Variants in KLHL22 observed in about 807,000 individuals in gnomAD.
KLHL22 encodes the protein kelch-like protein 22.
In KLHL22, 18 loss-of-function variants were observed where a neutral mutation model predicts 60.7. The ratio of observed to expected loss-of-function variants is 0.30; its 90% CI spans 0.20 to 0.44. KLHL22 has a LOEUF of 0.44. Among genes scored for constraint, KLHL22 ranks in the 20% least tolerant of loss-of-function variants. The pLI is 1.00. For missense variants in KLHL22, 596 were observed against 852.3 expected (o/e 0.70, Z 3.74); for synonymous variants, 355 against 354.5 (o/e 1.00, Z -0.01).
chr22:20,453,932 A>T (rs1258238287), intron 5 of KLHL22, among the ~76,000 whole-genome samples: 1 of 151,920 alleles, frequency 6.6e-6, no homozygotes, highest in African/African-American at 2.4e-5. Flanking sequence ...ATGGGGTTTC[A>T]CCATGTTGGC....
Position 20,465,366 on chromosome 22 carries a change from T to C in KLHL22, c.604A>G (p.Ser202Gly). Residue 202 changes from serine (S) to glycine (G), a missense_variant, in exon 4 of 7, where the codon AGC becomes GGC. By Grantham distance (56) the Ser-to-Gly change is moderately conservative. Transcript: ENST00000328879. This position sits in a 1 kb window ranked among gnomAD's most constrained non-coding sequence, Gnocchi z 4.9. ...TCGCAGGAGACCTCCAGGCGATTGC[T>C]GCTGAGGAGGGAGTAGACCTTCTCC... ...PLEKVYSLLS[S>G]NRLEVSCETE... 6.2e-7 allele frequency: 1 copy of C among 1,614,148 alleles called. No individual in the cohort carries two copies. The highest frequency in any genetic ancestry group is 8.5e-7 in the Non-Finnish European group (1 of 1,180,000).
At chr22:20,478,275 G>A (rs563173902) in intron 2 of KLHL22, among the ~76,000 whole-genome samples, 3 of 149,364 alleles carry the variant, frequency 2.0e-5, no homozygotes, top group East Asian at 3.9e-4. Context: ...GCGCAATCTC[G>A]GCTCACCACA....
chr22:20,470,867 C>CATGG (rs573307391), intron 3 of KLHL22, among the ~76,000 whole-genome samples: 1,567 of 143,036 alleles, frequency 0.011, 14 homozygotes, highest in Middle Eastern at 0.058. Context: ...TGCGTGCATG[C>CATGG]ATGGATGGAT....
chr22:20,463,762 A>C (rs1157229376), intron 4 of KLHL22, among the ~76,000 whole-genome samples: 1 of 152,178 alleles, frequency 6.6e-6, no homozygotes, highest in Non-Finnish European at 1.5e-5. Context: ...ACAATGTGTT[A>C]TTGCCAACCT....
intron 3 of KLHL22, among the ~76,000 whole-genome samples, chr22:20,470,130 G>A (rs970481671): frequency 6.6e-6 from 1 of 151,810 alleles, no homozygotes; most frequent in Non-Finnish European, 1.5e-5. Context: ...CCTGAGGCCA[G>A]GAGCTTGAGA....
intron 2 of KLHL22, chr22:20,482,813 G>T: frequency 1.6e-6 from 2 of 1,232,922 alleles, no homozygotes; most frequent in Non-Finnish European, 1.2e-6. Flanking sequence ...GCTTCTGGTG[G>T]CTTAATGTCT....
rs574237028 is a variant in KLHL22, at chr22:20,444,122, C to A, written c.1540-1684G>T. ...GAGCTGAGAAGTGAGGAGGACTCAACCTGCCATTGCTGGCTTTGAAGACGA... is the reference window on the plus strand; with the variant it reads ...GAGCTGAGAAGTGAGGAGGACTCAAACTGCCATTGCTGGCTTTGAAGACGA... On this transcript the variant is annotated intron_variant, in intron 6 of 6. Transcript: ENST00000328879. Among the ~76,000 whole-genome samples, 7 of 151,380 alleles carry A rather than the reference C, an allele frequency of 4.6e-5. No homozygotes were observed. The South Asian group carries it at 1.5e-3, about 32-fold the overall frequency.
chr22:20,493,649 G>A (rs911374535), intron 1 of KLHL22, among the ~76,000 whole-genome samples: 1 of 152,108 alleles, frequency 6.6e-6, no homozygotes, highest in Non-Finnish European at 1.5e-5. Context: ...GGGCATGGTG[G>A]TAGGTGCCTA....
intron 4 of KLHL22, among the ~76,000 whole-genome samples, chr22:20,458,456 T>C (rs536490296): frequency 6.9e-6 from 1 of 145,764 alleles, no homozygotes; most frequent in Admixed American, 6.8e-5. Context: ...TTTTTTTTTT[T>C]TTTTTTTTTT....
chr22:20,484,466 T>C (rs939552820), intron 2 of KLHL22, among the ~76,000 whole-genome samples: 2 of 152,112 alleles, frequency 1.3e-5, no homozygotes, highest in Admixed American at 6.6e-5. Flanking sequence ...AGCTAATTTT[T>C]GTATTTTTAG....
intron 5 of KLHL22, among the ~76,000 whole-genome samples, chr22:20,454,953 C>T (rs936459440): frequency 6.6e-6 from 1 of 152,164 alleles, no homozygotes; most frequent in African/African-American, 2.4e-5. Context: ...GTGATCTCAG[C>T]TCACTACAAC....
chr22:20,458,034 C>G (rs1300781777), intron 4 of KLHL22, 34 bp from the exon 5 acceptor site: 5 of 1,609,474 alleles, frequency 3.1e-6, no homozygotes, highest in Non-Finnish European at 4.2e-6. Flanking sequence ...ACAGCACTGA[C>G]TAGGCAGGGA....
Position 20,483,635 on chromosome 22 carries a change from G to A in KLHL22, c.227+5350C>T, listed in dbSNP as rs60359970. 787 of 725,594 alleles carry A rather than the reference G, an allele frequency of 1.1e-3. 2 individuals carry two copies. In the African/African-American group the frequency reaches 0.012, roughly 11 times the overall value. The allele number at this position is 725,594 out of a possible 1,614,324, so 44.9% of individuals were successfully genotyped here. The stretch of plus-strand genomic sequence containing the variant: ...ACTCTAAAGTCATCAGCAGCAAGAC[G>A]GGCATTGTCGATCTACAGAAAGATA... On this transcript the variant is annotated intron_variant, in intron 2 of 6. Coordinates refer to ENST00000328879, the MANE Select transcript of KLHL22 (RefSeq NM_032775.4).
intron 5 of KLHL22, chr22:20,450,491 T>G: frequency 2.5e-6 from 4 of 1,614,076 alleles, no homozygotes; most frequent in Non-Finnish European, 3.4e-6. Flanking sequence ...TGCTGTGAGT[T>G]CTTAGAAAGT....
intron 2 of KLHL22, chr22:20,481,210 C>T (rs1461889261): frequency 2.0e-5 from 3 of 152,190 alleles, no homozygotes; most frequent in African/African-American, 4.8e-5. Context: ...TAGTCAGTAA[C>T]AGATCAAACT....
intron 5 of KLHL22, among the ~76,000 whole-genome samples, chr22:20,457,185 T>G (rs933659724): frequency 6.6e-6 from 1 of 151,956 alleles, no homozygotes. Flanking sequence ...GAGAGGCACC[T>G]CCCTAAAACA....
intron 4 of KLHL22, among the ~76,000 whole-genome samples, chr22:20,459,711 A>T (rs1464765772): frequency 2.0e-5 from 3 of 152,224 alleles, no homozygotes; most frequent in Admixed American, 2.0e-4. Flanking sequence ...GATTACCAGC[A>T]ATGAATCATT....
chr22:20,479,143 C>A (rs947389489), intron 2 of KLHL22, among the ~76,000 whole-genome samples: 1 of 151,270 alleles, frequency 6.6e-6, no homozygotes. Context: ...AAAAAAAATT[C>A]ATTTTTGGCT....
At chr22:20,445,138 C>T (rs2146162804) in intron 6 of KLHL22, among the ~76,000 whole-genome samples, 3 of 151,914 alleles carry the variant, frequency 2.0e-5, no homozygotes, top group Admixed American at 2.0e-4. Context: ...ACGGTCAATG[C>T]TGAAAATGGT....
Sources: gnomAD v4.1 joint callset for allele counts (sites outside exome capture counted in the v4.1 genomes callset) on GRCh38, gnomAD v4.1.1 for gene constraint, Gnocchi (gnomAD v3.1) non-coding constraint, MANE v1.5 for transcripts, NCBI Gene and HGNC (gene_info 2026-07-23, HGNC 2026-07-21) for gene names.